The following CBFA2T3 variants were observed in gnomAD, a reference collection of about 807,000 sequenced individuals.
CBFA2T3 encodes CBFA2/RUNX1 partner transcriptional co-repressor 3.
A neutral mutation model predicts 58.6 loss-of-function variants in CBFA2T3; 31 were observed. The observed-to-expected ratio is 0.53, with a 90% CI of 0.40 to 0.71. The LOEUF is 0.71. Ranked by LOEUF, CBFA2T3 falls within the 30% of genes least tolerant of loss-of-function variation. The probability of loss-of-function intolerance (pLI) is 0.00; values close to 1 mark genes in which losing one functional copy is unlikely to be tolerated. For missense variants in CBFA2T3, 1,076 were observed against 963.1 expected, an observed-to-expected ratio of 1.12 and a Z score of -1.55; for synonymous variants, 531 against 421.9, an observed-to-expected ratio of 1.26 and a Z score of -3.17.
rs921662737 is a variant in CBFA2T3 at position 88,881,941 on chromosome 16, C to T, written c.1204-452G>A. On this transcript the variant is annotated intron_variant, in intron 8 of 11. Coordinates refer to ENST00000268679, the MANE Select transcript of CBFA2T3 (RefSeq NM_005187.6). ...CTGAGGAGCCCAGTTCCGGGCCGTC[C>T]CCGAACACGTCCTGCCTCAAAGAGG... 1.8e-4 allele frequency among the ~76,000 whole-genome samples: 28 copies of T among 152,348 alleles called. No individual in the cohort carries two copies. The East Asian group carries it at 5.4e-3, about 29-fold the overall frequency.
intron 1 of CBFA2T3, among the ~76,000 whole-genome samples, chr16:88,968,470 G>T (rs930595961): frequency 6.6e-6 from 1 of 152,242 alleles, no homozygotes; most frequent in Admixed American, 6.5e-5. Context: ...AGCCTCAGCT[G>T]CGTCTCAGGA....
intron 5 of CBFA2T3, among the ~76,000 whole-genome samples, chr16:88,888,122 C>T (rs79206121): frequency 6.6e-6 from 1 of 151,984 alleles, no homozygotes; most frequent in Non-Finnish European, 1.5e-5. Flanking sequence ...CCCACCACCC[C>T]GTGAGGGAGA....
At chr16:88,941,574 G>A (rs1169022678) in intron 1 of CBFA2T3, among the ~76,000 whole-genome samples, 3 of 148,038 alleles carry the variant, frequency 2.0e-5, no homozygotes, top group Non-Finnish European at 4.5e-5. Flanking sequence ...GCGGAGCGCC[G>A]GGAGCAGGGA....
rs367992838 is a variant in CBFA2T3, at chr16:88,885,298, C to T, written c.894-29G>A. On this transcript the variant is annotated intron_variant, in intron 6 of 11. Coordinates refer to ENST00000268679, the MANE Select transcript of CBFA2T3 (RefSeq NM_005187.6). The surrounding 1 kb of genome is among the most constrained non-coding windows in gnomAD (Gnocchi z 5.3). ...GCCCCAAGAGCAGGTGGGGCGAGGG[C>T]AGTGGACATAGGATGAACCGGGGAC... 6.8e-6 allele frequency: 10 copies of T among 1,475,194 alleles called. No homozygotes were observed. In the African/African-American group the frequency reaches 8.5e-5, roughly 12 times the overall value. The allele number at this position is 1,475,194 out of a possible 1,614,324, so 91.4% of individuals were successfully genotyped here.
At chr16:88,878,047 C>G (rs1010152090) in intron 11 of CBFA2T3, among the ~76,000 whole-genome samples, 1 of 152,250 alleles carries the variant, frequency 6.6e-6, no homozygotes, top group Non-Finnish European at 1.5e-5. Context: ...CTGCCAGGCA[C>G]AGTCCCCGCT....
chr16:88,908,535 C>T (rs1970415351), intron 1 of CBFA2T3, among the ~76,000 whole-genome samples: 1 of 152,132 alleles, frequency 6.6e-6, no homozygotes, highest in Non-Finnish European at 1.5e-5. Context: ...TGTGCCGGGG[C>T]CGCTCATCCA....
intron 1 of CBFA2T3, among the ~76,000 whole-genome samples, chr16:88,948,116 C>G (rs1367625547): frequency 1.3e-5 from 2 of 152,144 alleles, no homozygotes; most frequent in Admixed American, 1.3e-4. Flanking sequence ...ATAACTCGAT[C>G]AGAACGGGAG....
intron 1 of CBFA2T3, among the ~76,000 whole-genome samples, chr16:88,932,167 G>A (rs1406783127): frequency 2.9e-5 from 4 of 137,418 alleles, no homozygotes; most frequent in Admixed American, 1.4e-4. Flanking sequence ...CCCCTCACAC[G>A]GCCCCTGCTT....
chr16:88,915,379 C>T (rs1227788735), intron 1 of CBFA2T3, among the ~76,000 whole-genome samples: 1 of 78,484 alleles, frequency 1.3e-5, no homozygotes, highest in Non-Finnish European at 2.5e-5. Flanking sequence ...TTCAGGAGCT[C>T]CACAAGCAGC....
At chr16:88,898,553 CA>C (rs979381475) in intron 2 of CBFA2T3, among the ~76,000 whole-genome samples, 2 of 152,358 alleles carry the variant, frequency 1.3e-5, no homozygotes, top group Non-Finnish European at 2.9e-5. Flanking sequence ...TCTCTATGAG[CA>C]GGGGCGGGGC....
At chr16:88,924,434 C>T (rs926643067) in intron 1 of CBFA2T3, among the ~76,000 whole-genome samples, 2 of 152,066 alleles carry the variant, frequency 1.3e-5, no homozygotes, top group African/African-American at 2.4e-5. Context: ...AGGTGGGGAA[C>T]GAGGCTCTCG....
intron 1 of CBFA2T3, among the ~76,000 whole-genome samples, chr16:88,961,352 C>T (rs1972350005): frequency 6.6e-6 from 1 of 152,164 alleles, no homozygotes. Flanking sequence ...TAGTGACTGA[C>T]CCTCAGCACT....
Position 88,916,222 on chromosome 16 carries a change from A to C in CBFA2T3, c.152-14566T>G, listed in dbSNP as rs544798541. On this transcript the variant is annotated intron_variant, in intron 1 of 11. Transcript: ENST00000268679. ...TCCGTGTACATGCACTTACATATACATGTGGGTGTGTGTATTCATGTGTGT... is the reference window on the plus strand; with the variant it reads ...TCCGTGTACATGCACTTACATATACCTGTGGGTGTGTGTATTCATGTGTGT... 9.8e-5 allele frequency among the ~76,000 whole-genome samples: 12 copies of C among 122,872 alleles called. No individual in the cohort carries two copies. In the East Asian group the frequency reaches 2.6e-3, roughly 27 times the overall value. 80.6% of individuals were successfully genotyped at this position (122,872 alleles called of 152,430 possible).
chr16:88,881,315 C>T lies in CBFA2T3; in HGVS notation c.1378G>A (p.Ala460Thr), dbSNP rs200535158. The stretch of plus-strand genomic sequence containing the variant: ...CCTAGCTGAGGCCCTTCGGGACCGG[C>T]GGAGCTGCTGCGGGGCCGGGCCGCG... ...PAAARPRSSS[A>T]GPEGPQLDVP... The change falls in exon 9 of 12, where the codon GCC becomes ACC. Residue 460 changes from alanine (A) to threonine (T), a missense_variant. Ala to Thr is a moderately conservative substitution (Grantham distance 58, BLOSUM62 0). Transcript: ENST00000268679. The T allele has an allele frequency of 5.1e-4, 810 of 1,589,462 alleles. 2 individuals are homozygous for T. In the Middle Eastern group the frequency reaches 6.3e-3, roughly 12 times the overall value.
At chr16:88,934,622 G>T (rs1971436187) in intron 1 of CBFA2T3, among the ~76,000 whole-genome samples, 1 of 152,286 alleles carries the variant, frequency 6.6e-6, no homozygotes, top group African/African-American at 2.4e-5. Context: ...AGAGGAGTCT[G>T]GCCTCGCTGC....
intron 2 of CBFA2T3, among the ~76,000 whole-genome samples, chr16:88,901,022 C>T (rs1970077433): frequency 6.6e-6 from 1 of 152,258 alleles, no homozygotes. Context: ...CCCTCCAAGG[C>T]CAGAGCTGCC....
chr16:88,916,146 G>GTA (rs200949630), intron 1 of CBFA2T3, among the ~76,000 whole-genome samples: 9,599 of 150,862 alleles, frequency 0.064, 698 homozygotes, highest in African/African-American at 0.17. Context: ...ACATGTGGGT[G>GTA]TGTGTGCATG....
At chr16:88,935,635 C>T (rs930446392) in intron 1 of CBFA2T3, among the ~76,000 whole-genome samples, 2 of 152,204 alleles carry the variant, frequency 1.3e-5, no homozygotes, top group East Asian at 1.9e-4. Flanking sequence ...GTCTGACCAT[C>T]GAGGTGGTCT....
At chr16:88,936,364 C>T (rs940325144) in intron 1 of CBFA2T3, among the ~76,000 whole-genome samples, 4 of 152,188 alleles carry the variant, frequency 2.6e-5, no homozygotes, top group Non-Finnish European at 5.9e-5. Flanking sequence ...CCCAAACCTC[C>T]TCCTGCCACG....
Sources: gnomAD v4.1 joint callset for allele counts (sites outside exome capture counted in the v4.1 genomes callset) on GRCh38, gnomAD v4.1.1 for gene constraint, Gnocchi (gnomAD v3.1) non-coding constraint, MANE v1.5 for transcripts, NCBI Gene and HGNC (gene_info 2026-07-23, HGNC 2026-07-21) for gene names.